GCC2: variants seen among roughly 807,000 people sequenced by gnomAD.
GCC2 encodes the protein GRIP and coiled-coil domain containing 2.
Under a neutral mutation model 210.6 loss-of-function variants are expected in GCC2, and 120 were observed. The ratio of observed to expected loss-of-function variants is 0.57; its 90% CI spans 0.49 to 0.66. GCC2 has a LOEUF of 0.66. GCC2 is among the 30% of genes least tolerant of loss of function. The pLI is 0.00. For synonymous variants in GCC2, 703 were observed against 652.7 expected, an observed-to-expected ratio of 1.08 and a Z score of -1.17; for missense variants, 1,868 against 1,871.9, an observed-to-expected ratio of 1.00 and a Z score of 0.04.
chr2:108,449,953 A>G, intron 2 of GCC2: 2 of 488,672 alleles, frequency 4.1e-6, no homozygotes, highest in African/African-American at 3.9e-5. Flanking sequence ...GCAGTCTAAG[A>G]AGGTTTATAT....
In GCC2 at chr2:108,485,745, A is replaced by T; in HGVS notation, c.3714+9A>T. 1 of 1,543,924 alleles carries T rather than the reference A, an allele frequency of 6.5e-7. No individual in the cohort carries two copies. The highest frequency in any genetic ancestry group is 2.3e-5 in the East Asian group (1 of 44,386). On this transcript the variant is annotated intron_variant, in intron 14 of 22. Coordinates refer to ENST00000309863, the MANE Select transcript of GCC2 (RefSeq NM_181453.4). ...CAGATTCAAAGCAAGCAGTATGTTAATTTTTCAGTTTCATATTTAGTACTT... is the reference window on the plus strand; with the variant it reads ...CAGATTCAAAGCAAGCAGTATGTTATTTTTTCAGTTTCATATTTAGTACTT...
intron 17 of GCC2, 99 bp from the exon 18 acceptor site, chr2:108,489,739 G>C: frequency 1.5e-6 from 1 of 660,642 alleles, no homozygotes; most frequent in Non-Finnish European, 2.5e-6. Flanking sequence ...TCATCCAAGA[G>C]TATGGCATTG....
At chr2:108,477,320 TCTA>T (rs931116257) in intron 9 of GCC2, among the ~76,000 whole-genome samples, 24 of 152,176 alleles carry the variant, frequency 1.6e-4, no homozygotes, top group African/African-American at 5.6e-4. Flanking sequence ...CAGGCTCTCT[TCTA>T]AGCACTTTAC....
intron 9 of GCC2, among the ~76,000 whole-genome samples, chr2:108,478,160 T>C (rs1681641166): frequency 6.6e-6 from 1 of 152,222 alleles, no homozygotes; most frequent in Non-Finnish European, 1.5e-5. Flanking sequence ...CTTGCTCTTA[T>C]GAAGAAGCCC....
At chr2:108,473,178 A>G (rs1681328997) in intron 7 of GCC2, 2 of 319,240 alleles carry the variant, frequency 6.3e-6, no homozygotes, top group Non-Finnish European at 1.1e-5. Context: ...TTTTATTTAA[A>G]TGCCCAACTA....
In GCC2 at chr2:108,461,592, A is replaced by G. The variant is rs533411187; in HGVS notation, c.217-7388A>G. 7.6e-4 allele frequency among the ~76,000 whole-genome samples: 115 copies of G among 151,346 alleles called. 1 individual carries two copies. The highest frequency in any genetic ancestry group is 1.0e-3 in the Non-Finnish European group (71 of 67,852). On this transcript the variant is annotated intron_variant, in intron 4 of 22. Coordinates refer to ENST00000309863, the MANE Select transcript of GCC2 (RefSeq NM_181453.4). Reference sequence around the variant, plus strand: ...GCAATCTTGGCTCACTGCACCCTCCACCTCCCGGGTTCAAGTGATCCTGCC... The same window carrying G: ...GCAATCTTGGCTCACTGCACCCTCCGCCTCCCGGGTTCAAGTGATCCTGCC...
At chr2:108,481,516 C>T (rs1176944915) in intron 9 of GCC2, among the ~76,000 whole-genome samples, 181 bp from the exon 10 acceptor site, 1 of 152,096 alleles carries the variant, frequency 6.6e-6, no homozygotes, top group African/African-American at 2.4e-5. Context: ...CTCTCCAATA[C>T]TAAAAGTTAC....
rs1681857651 is a variant in GCC2 at position 108,481,678 on chromosome 2, A to C, written c.3061-19A>C. On this transcript the variant is annotated intron_variant, in intron 9 of 22. Coordinates refer to ENST00000309863, the MANE Select transcript of GCC2 (RefSeq NM_181453.4). ...AATGCAAAATTATATACCAAAGTTAAATCCTTCTTTTATTGAAGAATCTTT... is the reference window on the plus strand; with the variant it reads ...AATGCAAAATTATATACCAAAGTTACATCCTTCTTTTATTGAAGAATCTTT... The C allele has an allele frequency of 6.4e-7, 1 of 1,570,984 alleles. No individual in the cohort carries two copies. The highest frequency in any genetic ancestry group is 1.4e-5 in the African/African-American group (1 of 72,558).
At position 108,469,994 on chromosome 2, in the gene GCC2, T is replaced by G. The variant is rs564390284; in HGVS notation, c.665T>G (p.Ile222Ser). ...GAAACAGTTACTCAACTCCAAAATA[T>G]CATTGAGGCTAATTCTCAGCATTAC... ...KKETVTQLQN[I>S]IEANSQHYQK... The change falls in exon 6 of 23, where the codon ATC becomes AGC. Residue 222 changes from isoleucine to serine, a missense_variant. Ile to Ser is a moderately radical substitution (Grantham distance 142). Coordinates refer to ENST00000309863, the MANE Select transcript of GCC2 (RefSeq NM_181453.4). 1 of 1,612,504 alleles carries G rather than the reference T, an allele frequency of 6.2e-7. No individual in the cohort carries two copies. The highest frequency in any genetic ancestry group is 1.1e-5 in the South Asian group (1 of 90,882).
intron 4 of GCC2, among the ~76,000 whole-genome samples, chr2:108,456,538 G>T (rs973213332): frequency 6.6e-6 from 1 of 151,994 alleles, no homozygotes; most frequent in Non-Finnish European, 1.5e-5. Flanking sequence ...TTTTAATGGG[G>T]TTATTTTTTA....
At chr2:108,475,688 AAG>A (rs1308662123) in intron 8 of GCC2, 53 bp downstream of exon 8, 5 of 1,469,108 alleles carry the variant, frequency 3.4e-6, no homozygotes, top group Admixed American at 4.1e-5. Context: ...TTTAAAAATC[AAG>A]AGTTTTTCTA....
intron 4 of GCC2, among the ~76,000 whole-genome samples, chr2:108,459,769 T>TTTTTTTTTTTTTTTTTC (rs1680462072): frequency 7.3e-6 from 1 of 136,182 alleles, no homozygotes; most frequent in Non-Finnish European, 1.6e-5. Context: ...TTTTTTTTTT[T>TTTTTTTTTTTTTTTTTC]TTTTTTTTTA....
chr2:108,472,757 A>G, intron 6 of GCC2, 70 bp from the exon 7 acceptor site: 1 of 889,484 alleles, frequency 1.1e-6, no homozygotes, highest in Non-Finnish European at 1.8e-6. Context: ...TGGCCAGTTC[A>G]TTATGGAAAA....
intron 9 of GCC2, among the ~76,000 whole-genome samples, chr2:108,477,536 C>A (rs1681605525): frequency 6.6e-6 from 1 of 152,158 alleles, no homozygotes; most frequent in Non-Finnish European, 1.5e-5. Flanking sequence ...TCTATTGTTT[C>A]ACCAACTAAG....
rs1296459600 is a variant in GCC2, at chr2:108,495,293, CCA to C, written c.4451_4452del (p.Pro1484ArgfsTer38). ...AACCTTTTAAAAAAATCTAATAGGC[CCA>C]GTTTCCTCTCAACAATCTTTGAAGA... ...QLKNEPTTRS[P>X]VSSQQSLKNL... On this transcript the variant is annotated frameshift_variant, in exon 20 of 23. Transcript: ENST00000309863. LOFTEE classifies it high-confidence loss of function. 6.4e-7 allele frequency: 1 copy of C among 1,573,570 alleles called. No homozygotes were observed.
intron 6 of GCC2, 58 bp from the exon 7 acceptor site, chr2:108,472,769 G>A (rs1681304088): frequency 2.0e-6 from 2 of 1,006,416 alleles, no homozygotes; most frequent in East Asian, 4.8e-5. Context: ...TATGGAAAAT[G>A]AATTCTGATT....
chr2:108,505,206 G>T lies in GCC2; in HGVS notation c.4985-2354G>T, dbSNP rs190824956. Among the ~76,000 whole-genome samples the T allele has an allele frequency of 6.6e-5, 10 of 152,280 alleles. No homozygotes were observed. In the East Asian group the frequency reaches 9.6e-4, roughly 15 times the overall value. The stretch of plus-strand genomic sequence containing the variant: ...TTCAGCTTACACCATTCATTTCAGG[G>T]GAACATACAACAGTCTGCATTTCAG... On this transcript the variant is annotated intron_variant, in intron 22 of 22. Coordinates refer to ENST00000309863, the MANE Select transcript of GCC2 (RefSeq NM_181453.4).
chr2:108,507,405 A>ACCCCC (rs200527944), intron 22 of GCC2, 155 bp from the exon 23 acceptor site: 5 of 262,532 alleles, frequency 1.9e-5, no homozygotes, highest in African/African-American at 1.5e-4. Context: ...AAAAAAAAGA[A>ACCCCC]CCCCCCCCCC....
chr2:108,454,045 C>T (rs1371433531), intron 4 of GCC2, among the ~76,000 whole-genome samples: 5 of 152,066 alleles, frequency 3.3e-5, no homozygotes, highest in Non-Finnish European at 5.9e-5. Context: ...GGCTGGAGTG[C>T]AGTGGCACAA....
Sources: gnomAD v4.1 joint callset for allele counts (sites outside exome capture counted in the v4.1 genomes callset) on GRCh38, gnomAD v4.1.1 for gene constraint, MANE v1.5 for transcripts, NCBI Gene and HGNC (gene_info 2026-07-23, HGNC 2026-07-21) for gene names.